The following ADAMTS20 variants were observed in gnomAD, a reference collection of about 807,000 sequenced individuals.
ADAMTS20 encodes A disintegrin and metalloproteinase with thrombospondin motifs 20.
In ADAMTS20, 225 loss-of-function variants were observed where a neutral mutation model predicts 260.1. That is an observed-to-expected ratio of 0.87 (90% CI 0.78 to 0.97). ADAMTS20 has a LOEUF of 0.97. ADAMTS20 is among the 50% of genes least tolerant of loss of function. The pLI is 0.00. For missense variants in ADAMTS20, 2,400 were observed against 2,337.7 expected, an observed-to-expected ratio of 1.03 and a Z score of -0.55; for synonymous variants, 802 against 769.5, an observed-to-expected ratio of 1.04 and a Z score of -0.70.
At chr12:43,438,127 T>A (rs926841496) in intron 18 of ADAMTS20, among the ~76,000 whole-genome samples, 1 of 152,206 alleles carries the variant, frequency 6.6e-6, no homozygotes, top group Non-Finnish European at 1.5e-5. Flanking sequence ...ATAGTTGCTT[T>A]TCCCCTGCAC....
intron 3 of ADAMTS20, among the ~76,000 whole-genome samples, chr12:43,526,335 G>T (rs1308466862): frequency 1.3e-5 from 2 of 152,124 alleles, no homozygotes; most frequent in Admixed American, 1.3e-4. Flanking sequence ...GCGGGCACCT[G>T]TAATCCCAGC....
intron 6 of ADAMTS20, 87 bp downstream of exon 6, chr12:43,492,418 A>C (rs1942616055): frequency 4.8e-6 from 7 of 1,462,942 alleles, no homozygotes; most frequent in Admixed American, 2.3e-5. Flanking sequence ...CAAAAACAAA[A>C]CAAAAAAAAG....
At position 43,532,080 on chromosome 12, in the gene ADAMTS20, A is replaced by C. The variant is rs1325784295; in HGVS notation, c.569T>G (p.Leu190Ter). The change falls in exon 3 of 39, where the codon TTA (leucine) becomes TGA (stop). Residue 190 changes from leucine (L) to a stop codon, truncating the protein, a stop_gained. Transcript: ENST00000389420. LOFTEE classifies it high-confidence loss of function. ...NKPHLIYRQD[L>*]NNSFLQTLKY... Reference sequence around the variant, plus strand: ...CAGAGTCTGCAGAAAAGAGTTATTTAAGTCTTGTCTGTATATAAGATGTGG... The same window carrying C: ...CAGAGTCTGCAGAAAAGAGTTATTTCAGTCTTGTCTGTATATAAGATGTGG... 1.1e-5 allele frequency: 17 copies of C among 1,607,918 alleles called. No individual in the cohort carries two copies. Among genetic ancestry groups the C allele is most frequent in the Non-Finnish European group, 1.4e-5 (17 of 1,176,834 alleles).
intron 7 of ADAMTS20, among the ~76,000 whole-genome samples, chr12:43,482,161 G>A (rs1252243532): frequency 1.3e-5 from 2 of 152,180 alleles, no homozygotes; most frequent in Non-Finnish European, 2.9e-5. Flanking sequence ...AACGAACCTC[G>A]CAAAAGTTGG....
chr12:43,533,326 T>A (rs1242840894), intron 2 of ADAMTS20, among the ~76,000 whole-genome samples: 2 of 151,754 alleles, frequency 1.3e-5, no homozygotes, highest in Non-Finnish European at 2.9e-5. Flanking sequence ...CATTTCTTCA[T>A]GTGTTTTTTA....
chr12:43,472,211 C>T (rs371984346), intron 7 of ADAMTS20, among the ~76,000 whole-genome samples: 16,955 of 148,968 alleles, frequency 0.11, 1,077 homozygotes, highest in Admixed American at 0.21. Context: ...GGAGCCGATG[C>T]GATCAACTGG....
chr12:43,536,317 C>A (rs1391912722), intron 2 of ADAMTS20, among the ~76,000 whole-genome samples: 1 of 151,996 alleles, frequency 6.6e-6, no homozygotes, highest in African/African-American at 2.4e-5. Context: ...TTATCACATA[C>A]CAATTTTGAT....
chr12:43,541,383 A>G lies in ADAMTS20; in HGVS notation c.454-9188T>C, dbSNP rs184289725. ...ATTGTATCTACCCAATTTCCTAGGAAGGTTAATGTGTGTTTAAGTGATATT... is the reference window on the plus strand; with the variant it reads ...ATTGTATCTACCCAATTTCCTAGGAGGGTTAATGTGTGTTTAAGTGATATT... On this transcript the variant is annotated intron_variant, in intron 2 of 38. Coordinates refer to ENST00000389420, the MANE Select transcript of ADAMTS20 (RefSeq NM_025003.5). Among the ~76,000 whole-genome samples, 105 of 152,294 alleles carry G rather than the reference A, an allele frequency of 6.9e-4. 1 individual carries two copies. Among genetic ancestry groups the G allele is most frequent in the Admixed American group, 2.8e-3 (43 of 15,296 alleles).
intron 7 of ADAMTS20, among the ~76,000 whole-genome samples, chr12:43,486,998 T>G (rs965104342): frequency 6.6e-6 from 1 of 152,206 alleles, no homozygotes; most frequent in African/African-American, 2.4e-5. Flanking sequence ...GTATAACCTC[T>G]GTGGAAAATA....
At chr12:43,385,198 T>C (rs1219875693) in intron 29 of ADAMTS20, among the ~76,000 whole-genome samples, 1 of 152,232 alleles carries the variant, frequency 6.6e-6, no homozygotes, top group East Asian at 1.9e-4. Flanking sequence ...TGCATTTCTC[T>C]AATGACCAGT....
intron 31 of ADAMTS20, among the ~76,000 whole-genome samples, chr12:43,382,856 A>G (rs1940383744): frequency 6.6e-6 from 1 of 152,122 alleles, no homozygotes; most frequent in Non-Finnish European, 1.5e-5. Flanking sequence ...GGGATCAGAC[A>G]TCAGAAAGAA....
chr12:43,534,562 A>T (rs1943267893), intron 2 of ADAMTS20, among the ~76,000 whole-genome samples: 2 of 152,134 alleles, frequency 1.3e-5, no homozygotes, highest in African/African-American at 4.8e-5. Context: ...AAAATATTGG[A>T]ACTACTTCAA....
At chr12:43,406,960 G>A (rs2137263747) in intron 28 of ADAMTS20, among the ~76,000 whole-genome samples, 1 of 152,058 alleles carries the variant, frequency 6.6e-6, no homozygotes, top group African/African-American at 2.4e-5. Context: ...CAATACACAT[G>A]TGCTCTAAGG....
At chr12:43,373,971 G>A (rs1044358678) in intron 36 of ADAMTS20, among the ~76,000 whole-genome samples, 13 of 151,946 alleles carry the variant, frequency 8.6e-5, no homozygotes, top group South Asian at 2.1e-4. Flanking sequence ...GAGTCACCGC[G>A]CCCGGCCGAA....
In ADAMTS20 at chr12:43,492,443, A is replaced by T. The variant is rs1019559986; in HGVS notation, c.1076+62T>A. 4.0e-6 allele frequency: 6 copies of T among 1,505,036 alleles called. No individual in the cohort carries two copies. The Admixed American group carries it at 1.0e-4, about 25-fold the overall frequency. 93.2% of individuals were successfully genotyped at this position (1,505,036 alleles called of 1,614,324 possible). A position where few individuals can be genotyped will look rare whatever the true frequency, so the allele number is the denominator to read the frequency against. On this transcript the variant is annotated intron_variant, in intron 6 of 38. Transcript: ENST00000389420. ...ACAAAAAAAAGAATTAAGAAGAAGT[A>T]TCAGTCATGCAGGAGGGAAGAGTAA...
rs1173626689 is a variant in ADAMTS20, at chr12:43,427,445, G to T, written c.3970C>A (p.Leu1324Ile). ...TGGCAGACCACAGCCCTATGCTGAA[G>T]ACCTCCAGAACAACTGCTGGAGCAC... ...GSCSSSCSGG[L>I]QHRAVVCQDE... Residue 1324 changes from leucine (L) to isoleucine (I), a missense_variant, in exon 27 of 39, where the codon CTT becomes ATT. Transcript: ENST00000389420. 3 of 1,612,390 alleles carry T rather than the reference G, an allele frequency of 1.9e-6. No individual in the cohort carries two copies. The highest frequency in any genetic ancestry group is 2.5e-6 in the Non-Finnish European group (3 of 1,179,322).
intron 37 of ADAMTS20, among the ~76,000 whole-genome samples, chr12:43,361,333 G>A (rs1939862665): frequency 1.3e-5 from 2 of 152,148 alleles, no homozygotes; most frequent in Non-Finnish European, 1.5e-5. Context: ...CAAAAATATT[G>A]GGCAGTTTGT....
At chr12:43,380,773 G>A (rs532638021) in intron 31 of ADAMTS20, among the ~76,000 whole-genome samples, 22 of 152,162 alleles carry the variant, frequency 1.4e-4, no homozygotes, top group Middle Eastern at 3.4e-3. Flanking sequence ...TTCCACATTC[G>A]TAGATAAGAA....
intron 29 of ADAMTS20, among the ~76,000 whole-genome samples, chr12:43,390,556 A>T (rs1218496977): frequency 6.6e-6 from 1 of 152,220 alleles, no homozygotes; most frequent in Non-Finnish European, 1.5e-5. Context: ...TCAGCCTAAC[A>T]GCCAATTTCA....
Sources: gnomAD v4.1 joint callset for allele counts (sites outside exome capture counted in the v4.1 genomes callset) on GRCh38, gnomAD v4.1.1 for gene constraint, MANE v1.5 for transcripts, NCBI Gene and HGNC (gene_info 2026-07-23, HGNC 2026-07-21) for gene names.